The following CACUL1 variants were observed in gnomAD, a reference collection of about 807,000 sequenced individuals.
CACUL1 encodes the protein CDK2-associated and cullin domain-containing protein 1.
CACUL1 carries 13 observed loss-of-function variants against 45.2 expected under a neutral mutation model. The observed-to-expected ratio is 0.29, with a 90% CI of 0.19 to 0.46. CACUL1 has a LOEUF of 0.46. CACUL1 is among the 20% of genes least tolerant of loss of function. CACUL1 has a pLI of 1.00. For missense variants in CACUL1, 421 were observed against 471.4 expected, an observed-to-expected ratio of 0.89 and a Z score of 0.99; for synonymous variants, 197 against 174.2, an observed-to-expected ratio of 1.13 and a Z score of -1.03.
intron 1 of CACUL1, among the ~76,000 whole-genome samples, chr10:118,732,181 G>A (rs1345918163): frequency 6.6e-6 from 1 of 152,178 alleles, no homozygotes; most frequent in African/African-American, 2.4e-5. Context: ...AAGTTTGGAG[G>A]CTGTGAGCTG....
chr10:118,740,318 C>T (rs536560459), intron 1 of CACUL1, among the ~76,000 whole-genome samples: 1 of 152,144 alleles, frequency 6.6e-6, no homozygotes, highest in Non-Finnish European at 1.5e-5. Flanking sequence ...TGATTAAAAC[C>T]ACAAATTGTG....
intron 3 of CACUL1, among the ~76,000 whole-genome samples, chr10:118,710,439 G>A (rs563458966): frequency 2.0e-4 from 31 of 152,132 alleles, no homozygotes; most frequent in Admixed American, 3.3e-4. Flanking sequence ...ACTTCTCAAC[G>A]TAGGGCACAA....
chr10:118,677,244 TAGAA>T lies in CACUL1; in HGVS notation c.*8880_*8883del, dbSNP rs1190435712. The T allele has an allele frequency of 2.7e-5, 4 of 145,966 alleles. No individual in the cohort carries two copies. The highest frequency in any genetic ancestry group is 5.3e-5 in the African/African-American group (2 of 37,832). The allele number at this position is 145,966 out of a possible 1,614,324, so 9.0% of individuals were successfully genotyped here. ...ATAAGTCTTTTAATTTAATTGCACT[TAGAA>T]AGTGATTTTTTTTGGTACAGCAAGT... On this transcript the variant is annotated 3_prime_UTR_variant, in exon 9 of 9. Coordinates refer to ENST00000369151, the MANE Select transcript of CACUL1 (RefSeq NM_153810.5).
chr10:118,684,893 A>C lies in CACUL1; in HGVS notation c.*1235T>G, dbSNP rs557819361. 116 of 152,376 alleles carry C rather than the reference A, an allele frequency of 7.6e-4. No homozygotes were observed. The highest frequency in any genetic ancestry group is 3.4e-3 in the Middle Eastern group (1 of 294). The allele number at this position is 152,376 out of a possible 1,614,324, so 9.4% of individuals were successfully genotyped here. ...AGAAGAAAAGTATTTTTCTCTTGCCACATCTATTTTTCTTGGGCTTTCAAC... is the reference window on the plus strand; with the variant it reads ...AGAAGAAAAGTATTTTTCTCTTGCCCCATCTATTTTTCTTGGGCTTTCAAC... On this transcript the variant is annotated 3_prime_UTR_variant, in exon 9 of 9. Transcript: ENST00000369151.
chr10:118,718,533 C>T (rs1008573578), intron 3 of CACUL1, among the ~76,000 whole-genome samples: 1 of 152,208 alleles, frequency 6.6e-6, no homozygotes, highest in African/African-American at 2.4e-5. Flanking sequence ...AGGAGCTAGA[C>T]AAACACCTCA....
At chr10:118,732,411 G>A (rs1279249817) in intron 1 of CACUL1, among the ~76,000 whole-genome samples, 4 of 152,190 alleles carry the variant, frequency 2.6e-5, no homozygotes, top group Non-Finnish European at 5.9e-5. Flanking sequence ...TGTCCAGCGG[G>A]CATAGCAGAT....
intron 3 of CACUL1, among the ~76,000 whole-genome samples, chr10:118,709,264 A>G (rs573658378): frequency 1.3e-5 from 2 of 152,280 alleles, no homozygotes; most frequent in East Asian, 3.9e-4. Context: ...AAATCCGTGG[A>G]TAAGTGGACC....
chr10:118,692,041 T>C (rs1845276559), intron 6 of CACUL1, among the ~76,000 whole-genome samples: 2 of 151,674 alleles, frequency 1.3e-5, no homozygotes, highest in African/African-American at 4.9e-5. Flanking sequence ...CAATTCTGAG[T>C]GGGAGGGGAC....
intron 1 of CACUL1, among the ~76,000 whole-genome samples, chr10:118,745,813 C>T (rs1464424541): frequency 2.6e-5 from 4 of 151,374 alleles, no homozygotes; most frequent in Admixed American, 1.3e-4. Flanking sequence ...CAAACAATAA[C>T]CCTTAAAAAA....
At chr10:118,686,985 A>G (rs1845213711) in intron 7 of CACUL1, among the ~76,000 whole-genome samples, 2 of 152,198 alleles carry the variant, frequency 1.3e-5, no homozygotes, top group South Asian at 4.1e-4. Context: ...AATGACTCAA[A>G]TGCTTAGGTA....
At position 118,691,343 on chromosome 10, in the gene CACUL1, G is replaced by A. The variant is rs530710733; in HGVS notation, c.947C>T (p.Ala316Val). Residue 316 changes from alanine (A) to valine (V), a missense_variant, in exon 7 of 9, where the codon GCG becomes GTG. Coordinates refer to ENST00000369151, the MANE Select transcript of CACUL1 (RefSeq NM_153810.5). ...ATATTCAGAAAGTTCAGATTCCACC[G>A]CCGGAGGGAGAATGTTTGGAATAAA... is the stretch of plus-strand genomic sequence containing the variant. ...SKFIPNILPP[A>V]VESELSEYAA... 15 of 1,611,340 alleles carry A rather than the reference G, an allele frequency of 9.3e-6. No individual in the cohort carries two copies. The Admixed American group carries it at 1.0e-4, about 11-fold the overall frequency.
chr10:118,727,287 G>A (rs1246314046), intron 3 of CACUL1, among the ~76,000 whole-genome samples: 1 of 151,734 alleles, frequency 6.6e-6, no homozygotes, highest in Non-Finnish European at 1.5e-5. Flanking sequence ...CAGCAACTGG[G>A]GAGGCTGGGG....
chr10:118,713,476 T>C (rs1310898652), intron 3 of CACUL1, among the ~76,000 whole-genome samples: 1 of 152,070 alleles, frequency 6.6e-6, no homozygotes, highest in African/African-American at 2.4e-5. Flanking sequence ...GTGATGGCAG[T>C]GGCCACTCCA....
chr10:118,750,260 A>T (rs905554933), intron 1 of CACUL1, among the ~76,000 whole-genome samples: 10 of 152,078 alleles, frequency 6.6e-5, no homozygotes, highest in African/African-American at 2.4e-4. Flanking sequence ...CGGGAGGCGG[A>T]GATTGCAGTG....
intron 2 of CACUL1, 39 bp downstream of exon 2, chr10:118,730,243 GTA>G: frequency 6.2e-7 from 1 of 1,606,408 alleles, no homozygotes; most frequent in Non-Finnish European, 8.5e-7. Flanking sequence ...TTGAACCTTA[GTA>G]TACCCTTTCA....
chr10:118,680,767 G>A lies in CACUL1; in HGVS notation c.*5361C>T, dbSNP rs558671992. 6.6e-6 allele frequency: 1 copy of A among 152,316 alleles called. No homozygotes were observed. The highest frequency in any genetic ancestry group is 2.4e-5 in the African/African-American group (1 of 41,568). 9.4% of individuals were successfully genotyped at this position (152,316 alleles called of 1,614,324 possible). A position where few individuals can be genotyped will look rare whatever the true frequency, so the allele number is the denominator to read the frequency against. On this transcript the variant is annotated 3_prime_UTR_variant, in exon 9 of 9. Coordinates refer to ENST00000369151, the MANE Select transcript of CACUL1 (RefSeq NM_153810.5). Reference sequence around the variant, plus strand: ...GACCATATGTATATTGTTACACACTGTTTTTTAGCACTGGTTGCAGAAGTC... The same window carrying A: ...GACCATATGTATATTGTTACACACTATTTTTTAGCACTGGTTGCAGAAGTC...
intron 3 of CACUL1, among the ~76,000 whole-genome samples, chr10:118,711,015 G>T (rs1394800917): frequency 6.6e-6 from 1 of 152,204 alleles, no homozygotes; most frequent in Non-Finnish European, 1.5e-5. Flanking sequence ...ACATGTATAT[G>T]CAACTAGTAA....
At position 118,703,542 on chromosome 10, in the gene CACUL1, A is replaced by G. The variant is rs536439521; in HGVS notation, c.694-2134T>C. On this transcript the variant is annotated intron_variant, in intron 4 of 8. Coordinates refer to ENST00000369151, the MANE Select transcript of CACUL1 (RefSeq NM_153810.5). ...AAAAACCTGCATAATTCTTATATAC[A>G]TATTTGTATGTATTTATGAGTTTAT... Among the ~76,000 whole-genome samples, 6 of 152,310 alleles carry G rather than the reference A, an allele frequency of 3.9e-5. No individual in the cohort carries two copies. In the East Asian group the frequency reaches 9.6e-4, roughly 24 times the overall value.
chr10:118,710,924 G>T (rs1386748021), intron 3 of CACUL1, among the ~76,000 whole-genome samples: 1 of 152,080 alleles, frequency 6.6e-6, no homozygotes, highest in Non-Finnish European at 1.5e-5. Context: ...TCCAAAATAG[G>T]AAAAATACTA....
Sources: allele counts gnomAD v4.1 joint callset (sites outside exome capture counted in the v4.1 genomes callset), GRCh38; gene constraint gnomAD v4.1.1; transcripts MANE v1.5; gene names NCBI Gene and HGNC (gene_info 2026-07-23, HGNC 2026-07-21).